The following CAMTA1 variants were observed in gnomAD, a reference collection of about 807,000 sequenced individuals.
CAMTA1 encodes the protein calmodulin-binding transcription activator 1.
In CAMTA1, 27 loss-of-function variants were observed where a neutral mutation model predicts 170.9. That is an observed-to-expected ratio of 0.16 (90% CI 0.12 to 0.22). The LOEUF (loss-of-function observed/expected upper bound fraction) is 0.22. Among genes scored for constraint, CAMTA1 ranks in the 10% least tolerant of loss-of-function variants. The pLI, the probability that CAMTA1 is intolerant of heterozygous loss-of-function variation, is 1.00. For missense variants in CAMTA1, 1,619 were observed against 2,217.2 expected (o/e 0.73, Z 5.42); for synonymous variants, 833 against 891.5 (o/e 0.93, Z 1.17).
In CAMTA1 at chr1:7,333,184, T is replaced by C. The variant is rs1395951926; in HGVS notation, c.438+83558T>C. On this transcript the variant is annotated intron_variant, in intron 5 of 22. Coordinates refer to ENST00000303635, the MANE Select transcript of CAMTA1 (RefSeq NM_015215.4). The surrounding 1 kb of genome is among the most constrained non-coding windows in gnomAD (Gnocchi z 4.4). ...AACTGATTGATGGTAAACTTGATGATGTCGCCCTTCTCTGCAGTTTTTGGA... is the reference window on the plus strand; with the variant it reads ...AACTGATTGATGGTAAACTTGATGACGTCGCCCTTCTCTGCAGTTTTTGGA... 6.6e-6 allele frequency among the ~76,000 whole-genome samples: 1 copy of C among 152,206 alleles called. No individual in the cohort carries two copies. Among genetic ancestry groups the C allele is most frequent in the Non-Finnish European group, 1.5e-5 (1 of 68,034 alleles).
intron 6 of CAMTA1, among the ~76,000 whole-genome samples, chr1:7,608,680 C>G (rs1185288051): frequency 6.6e-6 from 1 of 152,198 alleles, no homozygotes; most frequent in South Asian, 2.1e-4. Flanking sequence ...AGCTTCCACA[C>G]TGGCCATCAG....
chr1:7,570,406 C>G lies in CAMTA1; in HGVS notation c.511-69994C>G, dbSNP rs540048119. On this transcript the variant is annotated intron_variant, in intron 6 of 22. Coordinates refer to ENST00000303635, the MANE Select transcript of CAMTA1 (RefSeq NM_015215.4). This position sits in a 1 kb window ranked among gnomAD's most constrained non-coding sequence, Gnocchi z 4.3. ...GCTGGAAGGGTGGAGGGAGGAAGCACGGGGAGGAGGAAGCCAGGGGCAAAC... is the reference window on the plus strand; with the variant it reads ...GCTGGAAGGGTGGAGGGAGGAAGCAGGGGGAGGAGGAAGCCAGGGGCAAAC... Among the ~76,000 whole-genome samples, 1 of 152,074 alleles carries G rather than the reference C, an allele frequency of 6.6e-6. No homozygotes were observed. Among genetic ancestry groups the G allele is most frequent in the African/African-American group, 2.4e-5 (1 of 41,400 alleles).
rs2093130508 is a variant in CAMTA1, at chr1:7,463,133, CT to C, written c.439-4696del. Reference sequence around the variant, plus strand: ...CATGTGAGCAGGGACACGGGGAGGGCTGCCCTGTGGCCCGCTGTGACCTTCA... The same window carrying C: ...CATGTGAGCAGGGACACGGGGAGGGCGCCCTGTGGCCCGCTGTGACCTTCA... On this transcript the variant is annotated intron_variant, in intron 5 of 22. Coordinates refer to ENST00000303635, the MANE Select transcript of CAMTA1 (RefSeq NM_015215.4). The surrounding 1 kb of genome is among the most constrained non-coding windows in gnomAD (Gnocchi z 4.7). Among the ~76,000 whole-genome samples the C allele has an allele frequency of 6.6e-6, 1 of 152,222 alleles. No homozygotes were observed. The highest frequency in any genetic ancestry group is 1.5e-5 in the Non-Finnish European group (1 of 68,040).
intron 4 of CAMTA1, among the ~76,000 whole-genome samples, chr1:7,157,652 A>G (rs1646972548): frequency 6.6e-6 from 1 of 152,210 alleles, no homozygotes; most frequent in South Asian, 2.1e-4. Flanking sequence ...CTTAAACTAA[A>G]TATACATCTA....
chr1:7,200,973 TGCCC>T (rs1656571515), intron 4 of CAMTA1, among the ~76,000 whole-genome samples: 1 of 152,218 alleles, frequency 6.6e-6, no homozygotes, highest in Non-Finnish European at 1.5e-5. Flanking sequence ...CACATAAATG[TGCCC>T]CCATTGATTT....
At chr1:6,842,203 C>T (rs1330767388) in intron 3 of CAMTA1, among the ~76,000 whole-genome samples, 2 of 152,158 alleles carry the variant, frequency 1.3e-5, no homozygotes, top group East Asian at 3.8e-4. Context: ...GGTGGAAGAC[C>T]AAGTTAGTGC....
At chr1:7,267,808 G>A (rs143862319) in intron 5 of CAMTA1, among the ~76,000 whole-genome samples, 16 of 152,270 alleles carry the variant, frequency 1.1e-4, no homozygotes, top group African/African-American at 3.8e-4. Context: ...GACACAGCTG[G>A]TGAGCAACAT....
chr1:6,981,504 C>T (rs910977853), intron 3 of CAMTA1, among the ~76,000 whole-genome samples: 1 of 152,176 alleles, frequency 6.6e-6, no homozygotes, highest in East Asian at 1.9e-4. Flanking sequence ...GTGATCATGG[C>T]TCACCGCAGC....
At chr1:6,802,754 A>G (rs528913649) in intron 1 of CAMTA1, among the ~76,000 whole-genome samples, 1 of 147,378 alleles carries the variant, frequency 6.8e-6, no homozygotes, top group Non-Finnish European at 1.5e-5. Context: ...TTTTTTTTTG[A>G]GACAAGGTCT....
chr1:7,759,241 C>G (rs778820769), intron 22 of CAMTA1, among the ~76,000 whole-genome samples: 214 of 152,208 alleles, frequency 1.4e-3, no homozygotes, highest in Non-Finnish European at 2.5e-3. Flanking sequence ...AATACTGACC[C>G]AAACTCCTAC....
chr1:7,028,184 C>A (rs1005300947), intron 3 of CAMTA1, among the ~76,000 whole-genome samples: 1 of 152,160 alleles, frequency 6.6e-6, no homozygotes, highest in African/African-American at 2.4e-5. Context: ...GGATTACAGG[C>A]GTGTGCCACT....
intron 6 of CAMTA1, among the ~76,000 whole-genome samples, chr1:7,630,442 C>A (rs184813350): frequency 6.6e-6 from 1 of 152,224 alleles, no homozygotes; most frequent in Non-Finnish European, 1.5e-5. Flanking sequence ...GGCAAGCCAG[C>A]CCCTGAGCCG....
chr1:7,079,907 G>A (rs1449543133), intron 3 of CAMTA1, among the ~76,000 whole-genome samples: 3 of 152,296 alleles, frequency 2.0e-5, no homozygotes, highest in Non-Finnish European at 4.4e-5. Context: ...GTGCCGAAAG[G>A]GGGAACAGTC....
At chr1:7,384,297 G>A (rs1394447573) in intron 5 of CAMTA1, among the ~76,000 whole-genome samples, 2 of 152,228 alleles carry the variant, frequency 1.3e-5, no homozygotes, top group African/African-American at 4.8e-5. Context: ...CAGTGGCTTG[G>A]TTCCAGTCCA....
At chr1:6,892,141 TTAAAGTC>T in intron 3 of CAMTA1, among the ~76,000 whole-genome samples, 1 of 152,246 alleles carries the variant, frequency 6.6e-6, no homozygotes, top group Non-Finnish European at 1.5e-5. Flanking sequence ...TAATCATTCT[TTAAAGTC>T]TAGTAGACAA....
Position 7,629,747 on chromosome 1 carries a change from G to A in CAMTA1, c.511-10653G>A, listed in dbSNP as rs115377387. Among the ~76,000 whole-genome samples the A allele has an allele frequency of 6.8e-4, 103 of 152,206 alleles. 1 individual carries two copies. Among genetic ancestry groups the A allele is most frequent in the African/African-American group, 2.5e-3 (102 of 41,542 alleles). On this transcript the variant is annotated intron_variant, in intron 6 of 22. Coordinates refer to ENST00000303635, the MANE Select transcript of CAMTA1 (RefSeq NM_015215.4). Reference sequence around the variant, plus strand: ...TAGTTCAGACCCAGCTCTGCAGCAAGGACGCCTCGGCCATTCTGTCTCCAG... The same window carrying A: ...TAGTTCAGACCCAGCTCTGCAGCAAAGACGCCTCGGCCATTCTGTCTCCAG...
rs925731692 is a variant in CAMTA1, at chr1:7,350,724, T to G, written c.438+101098T>G. ...TTTTTAATAAAAGGAAGTCATATGG[T>G]GTGTGTGTGTGTGTATGTGTGTGTA... On this transcript the variant is annotated intron_variant, in intron 5 of 22. Transcript: ENST00000303635. Among the ~76,000 whole-genome samples the G allele has an allele frequency of 1.8e-4, 27 of 151,658 alleles. No individual in the cohort carries two copies. In the East Asian group the frequency reaches 5.0e-3, roughly 28 times the overall value.
chr1:7,718,197 G>A (rs1000951009), intron 11 of CAMTA1, among the ~76,000 whole-genome samples: 3 of 151,872 alleles, frequency 2.0e-5, no homozygotes, highest in Non-Finnish European at 2.9e-5. Flanking sequence ...AGCAGTGGGC[G>A]TTCCGTAAAC....
chr1:7,142,073 G>A (rs1645921384), intron 4 of CAMTA1: 1 of 518,140 alleles, frequency 1.9e-6, no homozygotes, highest in Admixed American at 1.9e-5. Flanking sequence ...TAAGCTGCTT[G>A]GATCCAGCTC....
Sources: allele counts gnomAD v4.1 joint callset (sites outside exome capture counted in the v4.1 genomes callset), GRCh38; gene constraint gnomAD v4.1.1; non-coding constraint Gnocchi (gnomAD v3.1); transcripts MANE v1.5; gene names NCBI Gene and HGNC (gene_info 2026-07-23, HGNC 2026-07-21).